CNTN3: variants seen among roughly 807,000 people sequenced by gnomAD.
CNTN3 encodes the protein contactin-3.
A neutral mutation model predicts 119.1 loss-of-function variants in CNTN3; 60 were observed. That is an observed-to-expected ratio of 0.50 (90% CI 0.41 to 0.62). CNTN3 has a LOEUF of 0.62. Ranked by LOEUF, CNTN3 falls within the 20% of genes least tolerant of loss-of-function variation. The probability of loss-of-function intolerance (pLI) is 0.00; values close to 1 mark genes in which losing one functional copy is unlikely to be tolerated. For missense variants in CNTN3, 1,101 were observed against 1,242.4 expected (o/e 0.89, Z 1.71); for synonymous variants, 450 against 438.7 (o/e 1.03, Z -0.32).
chr3:74,265,886 A>G (rs1037059321), intron 22 of CNTN3, among the ~76,000 whole-genome samples: 1 of 152,188 alleles, frequency 6.6e-6, no homozygotes, highest in Non-Finnish European at 1.5e-5. Context: ...AATTTATTCT[A>G]GCATTGGCAG....
At chr3:74,532,139 GA>G (rs1264630254) in intron 1 of CNTN3, among the ~76,000 whole-genome samples, 6 of 151,982 alleles carry the variant, frequency 3.9e-5, no homozygotes, top group Non-Finnish European at 7.4e-5. Context: ...CTTTGGGAAG[GA>G]TCAGCCACAT....
intron 3 of CNTN3, among the ~76,000 whole-genome samples, chr3:74,490,377 A>T (rs1702940553): frequency 6.6e-6 from 1 of 152,180 alleles, no homozygotes; most frequent in Non-Finnish European, 1.5e-5. Context: ...TTTATAGGAA[A>T]AAACACTTTT....
At chr3:74,580,709 A>T (rs7429968) in intron 1 of CNTN3, among the ~76,000 whole-genome samples, 117,332 of 151,950 alleles carry the variant, frequency 0.77, 47,684 homozygotes, top group Non-Finnish European at 0.91. Context: ...AGAAATAGAA[A>T]TGAACTGCTT....
chr3:74,467,518 T>G (rs899372068), intron 4 of CNTN3, among the ~76,000 whole-genome samples: 2 of 152,202 alleles, frequency 1.3e-5, no homozygotes, highest in South Asian at 4.1e-4. Flanking sequence ...AAATAGATGC[T>G]CACACAGAAG....
chr3:74,355,111 C>T (rs2106756719), intron 11 of CNTN3, among the ~76,000 whole-genome samples: 1 of 152,176 alleles, frequency 6.6e-6, no homozygotes, highest in South Asian at 2.1e-4. Context: ...ACTTCAAACT[C>T]AACCAATCCC....
chr3:74,583,866 T>G (rs997232578), intron 1 of CNTN3, among the ~76,000 whole-genome samples: 1 of 152,208 alleles, frequency 6.6e-6, no homozygotes, highest in Non-Finnish European at 1.5e-5. Flanking sequence ...AACAATTAAT[T>G]GCAGTTGTTC....
intron 1 of CNTN3, among the ~76,000 whole-genome samples, chr3:74,606,893 T>C (rs568624160): frequency 9.2e-5 from 14 of 152,296 alleles, no homozygotes; most frequent in African/African-American, 3.1e-4. Flanking sequence ...TGCTTAACAC[T>C]AATGAAACAA....
chr3:74,548,361 C>G (rs1429477049), intron 1 of CNTN3, among the ~76,000 whole-genome samples: 1 of 152,066 alleles, frequency 6.6e-6, no homozygotes, highest in Non-Finnish European at 1.5e-5. Context: ...GTCATATCTA[C>G]TTTATATTTC....
chr3:74,424,771 A>C (rs1016588192), intron 5 of CNTN3, 74 bp downstream of exon 5: 1 of 1,200,148 alleles, frequency 8.3e-7, no homozygotes, highest in Non-Finnish European at 1.2e-6. Context: ...TACAGATGCA[A>C]TAACAGTACA....
intron 4 of CNTN3, among the ~76,000 whole-genome samples, chr3:74,455,728 T>C (rs1013010802): frequency 6.6e-6 from 1 of 152,058 alleles, no homozygotes; most frequent in South Asian, 2.1e-4. Context: ...CAGACAGGAC[T>C]CTCAGCTGCA....
At chr3:74,477,278 A>G (rs1035456412) in intron 4 of CNTN3, among the ~76,000 whole-genome samples, 2 of 152,202 alleles carry the variant, frequency 1.3e-5, no homozygotes, top group Non-Finnish European at 2.9e-5. Flanking sequence ...CATAAGCTTC[A>G]GACCCAGAAA....
chr3:74,499,518 G>A (rs1043946638), intron 3 of CNTN3, 141 bp downstream of exon 3: 2 of 679,274 alleles, frequency 2.9e-6, no homozygotes, highest in South Asian at 4.5e-5. Flanking sequence ...TATTAAATCT[G>A]TTGAATATAT....
intron 1 of CNTN3, among the ~76,000 whole-genome samples, chr3:74,546,773 C>T (rs1273448470): frequency 1.3e-5 from 2 of 152,158 alleles, no homozygotes. Flanking sequence ...TGTGGGACTT[C>T]ACTTTGTGAT....
intron 1 of CNTN3, among the ~76,000 whole-genome samples, chr3:74,550,109 G>C (rs1198400557): frequency 6.6e-6 from 1 of 152,128 alleles, no homozygotes. Context: ...ATTTGGAATG[G>C]GGCATGAGCT....
chr3:74,584,463 G>A (rs1049894453), intron 1 of CNTN3, among the ~76,000 whole-genome samples: 3 of 152,058 alleles, frequency 2.0e-5, no homozygotes, highest in African/African-American at 7.2e-5. Flanking sequence ...AGGGTAACGA[G>A]TGAGTTCTTG....
intron 4 of CNTN3, among the ~76,000 whole-genome samples, chr3:74,439,680 C>T (rs1241136555): frequency 2.6e-5 from 4 of 152,150 alleles, no homozygotes; most frequent in Admixed American, 1.3e-4. Flanking sequence ...CTCTTTCTAA[C>T]AGGGAGAAAA....
chr3:74,545,724 C>A (rs1309997303), intron 1 of CNTN3, among the ~76,000 whole-genome samples: 1 of 152,082 alleles, frequency 6.6e-6, no homozygotes, highest in Non-Finnish European at 1.5e-5. Flanking sequence ...TGATACAAAG[C>A]AAATAATGTC....
At chr3:74,264,581 T>G in intron 22 of CNTN3, 80 bp from the exon 23 acceptor site, 1 of 842,706 alleles carries the variant, frequency 1.2e-6, no homozygotes, top group Non-Finnish European at 1.8e-6. Flanking sequence ...ATATTTGTGG[T>G]GTTCCCCCCA....
At chr3:74,512,285 C>T (rs188250141) in intron 2 of CNTN3, among the ~76,000 whole-genome samples, 75 of 152,150 alleles carry the variant, frequency 4.9e-4, no homozygotes, top group African/African-American at 1.7e-3. Context: ...ATGGAATTGT[C>T]GTTATCTTCA....
Sources: gnomAD v4.1 joint callset for allele counts (sites outside exome capture counted in the v4.1 genomes callset) on GRCh38, gnomAD v4.1.1 for gene constraint, MANE v1.5 for transcripts, NCBI Gene and HGNC (gene_info 2026-07-23, HGNC 2026-07-21) for gene names.